NLGN1: variants seen among roughly 807,000 people sequenced by gnomAD.
NLGN1 encodes neuroligin 1.
NLGN1 carries 12 observed loss-of-function variants against 65.5 expected under a neutral mutation model. That is an observed-to-expected ratio of 0.18 (90% CI 0.12 to 0.30). The LOEUF (loss-of-function observed/expected upper bound fraction) is 0.30. NLGN1 is among the 10% of genes least tolerant of loss of function. The pLI, the probability that NLGN1 is intolerant of heterozygous loss-of-function variation, is 1.00. For synonymous variants in NLGN1, 350 were observed against 359.5 expected (o/e 0.97, Z 0.30); for missense variants, 750 against 1,007.1 (o/e 0.74, Z 3.46).
chr3:173,587,721 C>T (rs1026511581), intron 2 of NLGN1, among the ~76,000 whole-genome samples: 2 of 152,116 alleles, frequency 1.3e-5, no homozygotes, highest in Non-Finnish European at 2.9e-5. Flanking sequence ...TCTGCAAGCA[C>T]AGTTTCTGAT....
At chr3:173,882,227 A>AT (rs1462631207) in intron 4 of NLGN1, among the ~76,000 whole-genome samples, 1 of 152,154 alleles carries the variant, frequency 6.6e-6, no homozygotes, top group Non-Finnish European at 1.5e-5. Context: ...TTGCTGTTCC[A>AT]TTTTTTGAGC....
intron 3 of NLGN1, among the ~76,000 whole-genome samples, chr3:173,760,630 CT>C (rs1258468509): frequency 3.3e-5 from 5 of 151,932 alleles, no homozygotes; most frequent in African/African-American, 1.2e-4. Flanking sequence ...TAGTAAGTAG[CT>C]CAGTCTAATT....
At chr3:173,885,507 G>A (rs1296890526) in intron 4 of NLGN1, among the ~76,000 whole-genome samples, 1 of 151,904 alleles carries the variant, frequency 6.6e-6, no homozygotes. Context: ...CAGAGTAAGT[G>A]CCATATAGTT....
chr3:173,760,153 G>A (rs547858606), intron 3 of NLGN1, among the ~76,000 whole-genome samples: 141 of 151,930 alleles, frequency 9.3e-4, no homozygotes, highest in South Asian at 6.2e-4. Context: ...AAATTCTGTC[G>A]TCTTGCTCTG....
chr3:173,669,850 G>T (rs1762226110), intron 3 of NLGN1, among the ~76,000 whole-genome samples: 1 of 152,088 alleles, frequency 6.6e-6, no homozygotes, highest in Admixed American at 6.5e-5. Context: ...GGCAAATGTG[G>T]GATGGTGTAT....
chr3:173,669,535 T>C (rs531157599), intron 3 of NLGN1, among the ~76,000 whole-genome samples: 1 of 152,280 alleles, frequency 6.6e-6, no homozygotes, highest in African/African-American at 2.4e-5. Context: ...TTTATATGGA[T>C]GTCAGTCATA....
chr3:174,168,947 C>A (rs1376636706), intron 4 of NLGN1, among the ~76,000 whole-genome samples: 2 of 152,126 alleles, frequency 1.3e-5, no homozygotes, highest in African/African-American at 2.4e-5. Context: ...ACTCCAGATG[C>A]CTTGTGGACC....
intron 4 of NLGN1, among the ~76,000 whole-genome samples, chr3:174,014,827 C>A (rs1470760061): frequency 6.6e-6 from 1 of 152,052 alleles, no homozygotes; most frequent in African/African-American, 2.4e-5. Flanking sequence ...GAGAATCAAG[C>A]GAGGGATCAT....
intron 4 of NLGN1, among the ~76,000 whole-genome samples, chr3:174,086,413 CATTA>C (rs1222149696): frequency 1.4e-5 from 2 of 145,444 alleles, no homozygotes; most frequent in Non-Finnish European, 3.0e-5. Flanking sequence ...AATCTTAAGA[CATTA>C]ATTACTAATA....
chr3:173,979,924 A>C (rs114194180), intron 4 of NLGN1, among the ~76,000 whole-genome samples: 1 of 152,056 alleles, frequency 6.6e-6, no homozygotes, highest in Non-Finnish European at 1.5e-5. Flanking sequence ...GCACCTTATC[A>C]ATAACTGTAT....
intron 3 of NLGN1, among the ~76,000 whole-genome samples, chr3:173,804,538 TAGC>T (rs1337640906): frequency 9.9e-5 from 15 of 152,056 alleles, no homozygotes; most frequent in Admixed American, 7.2e-4. Flanking sequence ...ATGATGGAAT[TAGC>T]AGATGGTATT....
At chr3:173,939,381 A>C (rs1444029805) in intron 4 of NLGN1, among the ~76,000 whole-genome samples, 2 of 152,120 alleles carry the variant, frequency 1.3e-5, no homozygotes, top group African/African-American at 4.8e-5. Context: ...GTCCTATTGC[A>C]TTTATCTCGT....
chr3:173,630,994 A>G (rs981754491), intron 3 of NLGN1, among the ~76,000 whole-genome samples: 7 of 152,126 alleles, frequency 4.6e-5, no homozygotes, highest in African/African-American at 1.7e-4. Flanking sequence ...CCAAGAAGAG[A>G]GCGAGAAGGC....
chr3:173,562,992 C>T (rs1743025819), intron 2 of NLGN1, among the ~76,000 whole-genome samples: 1 of 152,190 alleles, frequency 6.6e-6, no homozygotes, highest in South Asian at 2.1e-4. Context: ...CACACACATA[C>T]ACACAAAAAC....
chr3:174,030,614 T>C (rs1346624807), intron 4 of NLGN1, among the ~76,000 whole-genome samples: 3 of 152,244 alleles, frequency 2.0e-5, no homozygotes, highest in Admixed American at 6.5e-5. Context: ...ATTGAACTTA[T>C]ATGTTTACCT....
chr3:173,559,501 T>C (rs73181053), intron 2 of NLGN1, among the ~76,000 whole-genome samples: 13,872 of 152,200 alleles, frequency 0.091, 885 homozygotes, highest in Non-Finnish European at 0.14. Context: ...TCATTAAGGC[T>C]TTCTAGCACC....
intron 4 of NLGN1, among the ~76,000 whole-genome samples, chr3:174,181,381 G>A (rs972810335): frequency 1.3e-5 from 2 of 151,996 alleles, no homozygotes; most frequent in Admixed American, 1.3e-4. Flanking sequence ...AGCATTGTCC[G>A]ATGCTACCAT....
intron 1 of NLGN1, among the ~76,000 whole-genome samples, chr3:173,405,910 A>T (rs1290795832): frequency 6.6e-6 from 1 of 152,138 alleles, no homozygotes; most frequent in Non-Finnish European, 1.5e-5. Context: ...GGGTAAAGAT[A>T]ATCAGAAATA....
intron 2 of NLGN1, among the ~76,000 whole-genome samples, chr3:173,453,642 C>G (rs1284714818): frequency 6.6e-6 from 1 of 152,160 alleles, no homozygotes; most frequent in Admixed American, 6.5e-5. Flanking sequence ...CTTCACTTAT[C>G]CATAAGAAGG....
Sources: gnomAD v4.1 joint callset for allele counts (sites outside exome capture counted in the v4.1 genomes callset) on GRCh38, gnomAD v4.1.1 for gene constraint, MANE v1.5 for transcripts, NCBI Gene and HGNC (gene_info 2026-07-23, HGNC 2026-07-21) for gene names.